The following ADAT2 variants were observed in gnomAD, a reference collection of about 807,000 sequenced individuals.
ADAT2 encodes the protein adenosine deaminase tRNA specific 2, also known as tRNA-specific adenosine-34 deaminase catalytic subunit ADAT2.
A neutral mutation model predicts 25.9 loss-of-function variants in ADAT2; 26 were observed. The ratio of observed to expected loss-of-function variants is 1.00; its 90% CI spans 0.74 to 1.39. ADAT2 has a LOEUF of 1.39. Among genes scored for constraint, ADAT2 ranks in the 40% most tolerant of loss-of-function variants. The pLI, the probability that ADAT2 is intolerant of heterozygous loss-of-function variation, is 0.00. For missense variants in ADAT2, 220 were observed against 244.8 expected (o/e 0.90, Z 0.68); for synonymous variants, 76 against 86.8 (o/e 0.88, Z 0.69).
rs1162655449 is a variant in ADAT2 at position 143,424,511 on chromosome 6, C to A, written c.*3952G>T. On this transcript the variant is annotated 3_prime_UTR_variant, in exon 6 of 6. Coordinates refer to ENST00000237283, the MANE Select transcript of ADAT2 (RefSeq NM_182503.3). The surrounding 1 kb of genome is among the most constrained non-coding windows in gnomAD (Gnocchi z 4.8). ...ACCCAAGATAACTCATATTTTATGA[C>A]CAAATGACAACCTACCTAGAGTGTT... 6.6e-6 allele frequency: 1 copy of A among 152,180 alleles called. No homozygotes were observed. The highest frequency in any genetic ancestry group is 1.9e-4 in the East Asian group (1 of 5,194). The allele number at this position is 152,180 out of a possible 1,614,324, so 9.4% of individuals were successfully genotyped here.
intron 1 of ADAT2, among the ~76,000 whole-genome samples, chr6:143,447,560 T>C (rs1477456569): frequency 6.6e-6 from 1 of 152,232 alleles, no homozygotes; most frequent in Non-Finnish European, 1.5e-5. Context: ...TTATCTCTAA[T>C]AGTAGGACTT....
chr6:143,432,137 C>T lies in ADAT2; in HGVS notation c.459+368G>A, dbSNP rs1343507379. Among the ~76,000 whole-genome samples, 1 of 152,208 alleles carries T rather than the reference C, an allele frequency of 6.6e-6. No individual in the cohort carries two copies. The highest frequency in any genetic ancestry group is 1.5e-5 in the Non-Finnish European group (1 of 68,028). On this transcript the variant is annotated intron_variant, in intron 4 of 5. Coordinates refer to ENST00000237283, the MANE Select transcript of ADAT2 (RefSeq NM_182503.3). The surrounding 1 kb of genome is among the most constrained non-coding windows in gnomAD (Gnocchi z 4.4). ...TAAATAGTCTCTAGCGTCACTGACA[C>T]AGGCCAAGCATCACCAAACTTGGTA...
chr6:143,448,141 T>C (rs1779649359), intron 1 of ADAT2, among the ~76,000 whole-genome samples: 1 of 152,112 alleles, frequency 6.6e-6, no homozygotes, highest in African/African-American at 2.4e-5. Flanking sequence ...CTGAGCAAAC[T>C]ATCACAAGGA....
rs931959895 is a variant in ADAT2 at position 143,436,474 on chromosome 6, A to C, written c.201+2116T>G. 45 of 276,812 alleles carry C rather than the reference A, an allele frequency of 1.6e-4. No homozygotes were observed. The highest frequency in any genetic ancestry group is 9.9e-4 in the African/African-American group (44 of 44,382). 17.1% of individuals were successfully genotyped at this position (276,812 alleles called of 1,614,324 possible). A position where few individuals can be genotyped will look rare whatever the true frequency, so the allele number is the denominator to read the frequency against. On this transcript the variant is annotated intron_variant, in intron 2 of 5. Coordinates refer to ENST00000237283, the MANE Select transcript of ADAT2 (RefSeq NM_182503.3). This position sits in a 1 kb window ranked among gnomAD's most constrained non-coding sequence, Gnocchi z 4.1. ...AGGACTAAAAACGTCCACCACTTTC[A>C]TCAGTAACAACACGGCCATCCAGGA...
At position 143,436,667 on chromosome 6, in the gene ADAT2, A is replaced by T; in HGVS notation, c.201+1923T>A. 3.1e-6 allele frequency: 1 copy of T among 326,774 alleles called. No homozygotes were observed. The allele number at this position is 326,774 out of a possible 1,614,324, so 20.2% of individuals were successfully genotyped here. On this transcript the variant is annotated intron_variant, in intron 2 of 5. Transcript: ENST00000237283. The surrounding 1 kb of genome is among the most constrained non-coding windows in gnomAD (Gnocchi z 4.1). ...CAGTATCAGGATGCCACTGTTGAGGAGGAGGGAGAGTCTGAGGAGTGGACT... is the reference window on the plus strand; with the variant it reads ...CAGTATCAGGATGCCACTGTTGAGGTGGAGGGAGAGTCTGAGGAGTGGACT...
chr6:143,428,154 A>C lies in ADAT2; in HGVS notation c.*309T>G. On this transcript the variant is annotated 3_prime_UTR_variant, in exon 6 of 6. Coordinates refer to ENST00000237283, the MANE Select transcript of ADAT2 (RefSeq NM_182503.3). The surrounding 1 kb of genome is among the most constrained non-coding windows in gnomAD (Gnocchi z 5.0). ...GCCACACATTCTCTAAGAAGTCAGC[A>C]CTTGCCTGGACTGGGCACTTGTGGC... The C allele has an allele frequency of 3.1e-6, 1 of 320,666 alleles. No individual in the cohort carries two copies. The highest frequency in any genetic ancestry group is 5.7e-6 in the Non-Finnish European group (1 of 174,140). 19.9% of individuals were successfully genotyped at this position (320,666 alleles called of 1,614,324 possible).
intron 1 of ADAT2, chr6:143,445,005 T>A: frequency 7.9e-7 from 1 of 1,264,314 alleles, no homozygotes; most frequent in South Asian, 1.3e-5. Context: ...ACAAACAAGT[T>A]AGCCAGAACT....
At chr6:143,433,660 G>T (rs1266397280) in intron 3 of ADAT2, among the ~76,000 whole-genome samples, 171 bp downstream of exon 3, 1 of 150,520 alleles carries the variant, frequency 6.6e-6, no homozygotes, top group Admixed American at 6.7e-5. Context: ...AAAAGAAATA[G>T]GTCATTTTAC....
rs1352260303 is a variant in ADAT2, at chr6:143,428,942, A to G, written c.460-258T>C. 6.6e-6 allele frequency among the ~76,000 whole-genome samples: 1 copy of G among 152,246 alleles called. No homozygotes were observed. Among genetic ancestry groups the G allele is most frequent in the African/African-American group, 2.4e-5 (1 of 41,458 alleles). ...TCATCCATTAACTATTATAGAAGTT[A>G]CCAGCTTTGTGATCTTGGGTTAGGC... is the stretch of plus-strand genomic sequence containing the variant. On this transcript the variant is annotated intron_variant, in intron 4 of 5. Coordinates refer to ENST00000237283, the MANE Select transcript of ADAT2 (RefSeq NM_182503.3). This position sits in a 1 kb window ranked among gnomAD's most constrained non-coding sequence, Gnocchi z 5.0.
Position 143,426,434 on chromosome 6 carries a change from C to T in ADAT2, c.*2029G>A, listed in dbSNP as rs1353502109. 3 of 152,110 alleles carry T rather than the reference C, an allele frequency of 2.0e-5. No individual in the cohort carries two copies. The highest frequency in any genetic ancestry group is 6.5e-5 in the Admixed American group (1 of 15,278). The allele number at this position is 152,110 out of a possible 1,614,324, so 9.4% of individuals were successfully genotyped here. A position where few individuals can be genotyped will look rare whatever the true frequency, so the allele number is the denominator to read the frequency against. On this transcript the variant is annotated 3_prime_UTR_variant, in exon 6 of 6. Coordinates refer to ENST00000237283, the MANE Select transcript of ADAT2 (RefSeq NM_182503.3). This position sits in a 1 kb window ranked among gnomAD's most constrained non-coding sequence, Gnocchi z 4.1. Reference sequence around the variant, plus strand: ...CCCAAAGCGATGGAGGGAACTGTGCCCCAGTCCAAACATTTAGGACAGATT... The same window carrying T: ...CCCAAAGCGATGGAGGGAACTGTGCTCCAGTCCAAACATTTAGGACAGATT...
In ADAT2 at chr6:143,436,669, G is replaced by A; in HGVS notation, c.201+1921C>T. 3.1e-6 allele frequency: 1 copy of A among 326,660 alleles called. No homozygotes were observed. Among genetic ancestry groups the A allele is most frequent in the South Asian group, 3.2e-5 (1 of 31,032 alleles). 20.2% of individuals were successfully genotyped at this position (326,660 alleles called of 1,614,324 possible). A position where few individuals can be genotyped will look rare whatever the true frequency, so the allele number is the denominator to read the frequency against. ...GTATCAGGATGCCACTGTTGAGGAG[G>A]AGGGAGAGTCTGAGGAGTGGACTGA... On this transcript the variant is annotated intron_variant, in intron 2 of 5. Coordinates refer to ENST00000237283, the MANE Select transcript of ADAT2 (RefSeq NM_182503.3). The surrounding 1 kb of genome is among the most constrained non-coding windows in gnomAD (Gnocchi z 4.1).
At chr6:143,431,111 A>C (rs1355009255) in intron 4 of ADAT2, among the ~76,000 whole-genome samples, 1 of 152,236 alleles carries the variant, frequency 6.6e-6, no homozygotes. Context: ...TCTCCTTAGA[A>C]TCTAAAAGCA....
intron 1 of ADAT2, among the ~76,000 whole-genome samples, chr6:143,448,248 T>C (rs1051020053): frequency 1.3e-5 from 2 of 151,840 alleles, no homozygotes; most frequent in Non-Finnish European, 2.9e-5. Context: ...CCGGGGCCTG[T>C]CATGGGGTTG....
intron 4 of ADAT2, among the ~76,000 whole-genome samples, chr6:143,431,607 G>A (rs749634477): frequency 6.6e-6 from 1 of 152,170 alleles, no homozygotes; most frequent in East Asian, 1.9e-4. Flanking sequence ...AAGTTGATAG[G>A]AAAGCTAATG....
rs1319041760 is a variant in ADAT2 at position 143,436,531 on chromosome 6, G to C, written c.201+2059C>G. On this transcript the variant is annotated intron_variant, in intron 2 of 5. Transcript: ENST00000237283. The surrounding 1 kb of genome is among the most constrained non-coding windows in gnomAD (Gnocchi z 4.1). ...CAGAGACGTCTCAGAGCAGTTCACA[G>C]CCATGTTCAGGTGCAAGGCCTTCCT... The C allele has an allele frequency of 1.1e-5, 4 of 380,848 alleles. No homozygotes were observed. The highest frequency in any genetic ancestry group is 8.5e-5 in the African/African-American group (4 of 47,004). 23.6% of individuals were successfully genotyped at this position (380,848 alleles called of 1,614,324 possible).
At position 143,428,442 on chromosome 6, in the gene ADAT2, G is replaced by A. The variant is rs1303773213; in HGVS notation, c.*21C>T. 1.9e-6 allele frequency: 3 copies of A among 1,611,868 alleles called. No individual in the cohort carries two copies. Among genetic ancestry groups the A allele is most frequent in the Non-Finnish European group, 2.5e-6 (3 of 1,179,474 alleles). On this transcript the variant is annotated 3_prime_UTR_variant, in exon 6 of 6. Coordinates refer to ENST00000237283, the MANE Select transcript of ADAT2 (RefSeq NM_182503.3). The surrounding 1 kb of genome is among the most constrained non-coding windows in gnomAD (Gnocchi z 5.0). ...TTGTCCAGGTCACTTTGGGTCACTT[G>A]GTTCTTTCATCAGAACATGTTCAAG...
chr6:143,445,010 A>G (rs943234083), intron 1 of ADAT2: 5 of 1,248,004 alleles, frequency 4.0e-6, no homozygotes, highest in Non-Finnish European at 5.3e-6. Flanking sequence ...CAAGTTAGCC[A>G]GAACTCTCAG....
chr6:143,432,231 C>T lies in ADAT2; in HGVS notation c.459+274G>A, dbSNP rs1470783463. The stretch of plus-strand genomic sequence containing the variant: ...CGAGAGTGTCTTCAGGCATACCTAA[C>T]GGTGTTGGTGAAGAGTGTTCGGAGT... On this transcript the variant is annotated intron_variant, in intron 4 of 5. Transcript: ENST00000237283. This position sits in a 1 kb window ranked among gnomAD's most constrained non-coding sequence, Gnocchi z 4.4. Among the ~76,000 whole-genome samples the T allele has an allele frequency of 7.1e-6, 1 of 140,530 alleles. No homozygotes were observed. The highest frequency in any genetic ancestry group is 1.9e-4 in the East Asian group (1 of 5,192). The allele number at this position is 140,530 out of a possible 152,430, so 92.2% of individuals were successfully genotyped here. A position where few individuals can be genotyped will look rare whatever the true frequency, so the allele number is the denominator to read the frequency against.
At position 143,432,838 on chromosome 6, in the gene ADAT2, G is replaced by C. The variant is rs1157750199; in HGVS notation, c.353-227C>G. ...AACAACTGCAAACAGAATGAAAACT[G>C]AGTATGTGTTTGCTTAAAGTTCACA... On this transcript the variant is annotated intron_variant, in intron 3 of 5. Transcript: ENST00000237283. The surrounding 1 kb of genome is among the most constrained non-coding windows in gnomAD (Gnocchi z 4.4). Among the ~76,000 whole-genome samples, 1 of 152,206 alleles carries C rather than the reference G, an allele frequency of 6.6e-6. No individual in the cohort carries two copies.
Sources: allele counts gnomAD v4.1 joint callset (sites outside exome capture counted in the v4.1 genomes callset), GRCh38; gene constraint gnomAD v4.1.1; non-coding constraint Gnocchi (gnomAD v3.1); transcripts MANE v1.5; gene names NCBI Gene and HGNC (gene_info 2026-07-23, HGNC 2026-07-21).